The following IRAG1 variants were observed in gnomAD, a reference collection of about 807,000 sequenced individuals.
The protein encoded by IRAG1 is inositol 1,4,5-triphosphate receptor associated 1.
A neutral mutation model predicts 106.2 loss-of-function variants in IRAG1; 62 were observed. The observed-to-expected ratio is 0.58, with a 90% CI of 0.48 to 0.72. The LOEUF (loss-of-function observed/expected upper bound fraction) is 0.72, where lower values mean the gene tolerates loss of function less well. Among genes scored for constraint, IRAG1 ranks in the 30% least tolerant of loss-of-function variants. The pLI, the probability that IRAG1 is intolerant of heterozygous loss-of-function variation, is 0.00. For missense variants in IRAG1, 1,064 were observed against 1,140.7 expected, an observed-to-expected ratio of 0.93 and a Z score of 0.97; for synonymous variants, 462 against 443.9, an observed-to-expected ratio of 1.04 and a Z score of -0.51.
At chr11:10,651,271 G>A (rs1041646613) in intron 2 of IRAG1, among the ~76,000 whole-genome samples, 1 of 152,188 alleles carries the variant, frequency 6.6e-6, no homozygotes, top group Non-Finnish European at 1.5e-5. Context: ...TTTGAATATC[G>A]AGGGACTGAA....
intron 17 of IRAG1, 175 bp downstream of exon 17, chr11:10,593,317 A>G: frequency 1.9e-6 from 1 of 524,738 alleles, no homozygotes; most frequent in Non-Finnish European, 3.4e-6. Context: ...GTAGTAGAAT[A>G]CATGCAGCCT....
intron 1 of IRAG1, among the ~76,000 whole-genome samples, chr11:10,682,003 C>T (rs1167058781): frequency 6.6e-6 from 1 of 152,190 alleles, no homozygotes; most frequent in Non-Finnish European, 1.5e-5. Context: ...ATGCACTTTG[C>T]ACCAAGGGCA....
chr11:10,643,231 AT>A (rs1240487427), intron 2 of IRAG1, among the ~76,000 whole-genome samples: 1 of 150,822 alleles, frequency 6.6e-6, no homozygotes, highest in Admixed American at 6.6e-5. Context: ...GAAAATGATT[AT>A]CCCAGCGGCA....
intron 10 of IRAG1, among the ~76,000 whole-genome samples, chr11:10,617,607 G>C (rs977314772): frequency 2.6e-5 from 4 of 152,176 alleles, no homozygotes; most frequent in African/African-American, 9.7e-5. Flanking sequence ...TGCAAAACCA[G>C]GTTTGTCTGT....
intron 18 of IRAG1, among the ~76,000 whole-genome samples, chr11:10,587,669 T>G (rs1852167226): frequency 6.6e-6 from 1 of 152,252 alleles, no homozygotes; most frequent in South Asian, 2.1e-4. Flanking sequence ...ACACTAACCC[T>G]GTGCATCATC....
intron 1 of IRAG1, among the ~76,000 whole-genome samples, chr11:10,670,751 T>A (rs972758297): frequency 6.6e-6 from 1 of 152,132 alleles, no homozygotes; most frequent in African/African-American, 2.4e-5. Context: ...GGTGTCCTTA[T>A]AAGAAGAGGA....
At chr11:10,603,716 T>C (rs1362373092) in intron 13 of IRAG1, among the ~76,000 whole-genome samples, 2 of 152,108 alleles carry the variant, frequency 1.3e-5, no homozygotes, top group Admixed American at 1.3e-4. Context: ...GATAGTGAAG[T>C]GGGGCCTGGG....
intron 2 of IRAG1, among the ~76,000 whole-genome samples, chr11:10,649,560 A>G (rs751826717): frequency 3.9e-5 from 6 of 152,138 alleles, no homozygotes; most frequent in Non-Finnish European, 5.9e-5. Context: ...GCTTGGTATG[A>G]CTGCACAGTT....
intron 10 of IRAG1, among the ~76,000 whole-genome samples, chr11:10,621,135 TA>T (rs1438667656): frequency 1.3e-5 from 2 of 152,240 alleles, no homozygotes; most frequent in Non-Finnish European, 2.9e-5. Context: ...TATGCTTTAG[TA>T]AATTTAAAAT....
rs749758312 is a variant in IRAG1, at chr11:10,576,288, G to A, written c.*44C>T. Reference sequence around the variant, plus strand: ...CGTTATACTTGGGGAAAGGGTGGTAGTCTGAGTGTCTCAGAGCAGGGCACT... The same window carrying A: ...CGTTATACTTGGGGAAAGGGTGGTAATCTGAGTGTCTCAGAGCAGGGCACT... On this transcript the variant is annotated 3_prime_UTR_variant, in exon 21 of 21. Coordinates refer to ENST00000423302, the MANE Select transcript of IRAG1 (RefSeq NM_130385.4). The A allele has an allele frequency of 3.1e-6, 5 of 1,607,890 alleles. No individual in the cohort carries two copies. The African/African-American group carries it at 4.0e-5, about 13-fold the overall frequency.
chr11:10,573,142 A>G lies in IRAG1; in HGVS notation c.*3190T>C, dbSNP rs183032928. 6 of 152,364 alleles carry G rather than the reference A, an allele frequency of 3.9e-5. No individual in the cohort carries two copies. Among genetic ancestry groups the G allele is most frequent in the Non-Finnish European group, 8.8e-5 (6 of 68,040 alleles). The allele number at this position is 152,364 out of a possible 1,614,324, so 9.4% of individuals were successfully genotyped here. A position where few individuals can be genotyped will look rare whatever the true frequency, so the allele number is the denominator to read the frequency against. ...CAAACTCAGGTATGTGACACTCTAC[A>G]GTTCAATGCTAGCACACCTGTGTGA... On this transcript the variant is annotated 3_prime_UTR_variant, in exon 21 of 21. Coordinates refer to ENST00000423302, the MANE Select transcript of IRAG1 (RefSeq NM_130385.4).
intron 10 of IRAG1, among the ~76,000 whole-genome samples, chr11:10,610,721 C>A (rs1248763353): frequency 6.6e-6 from 1 of 152,168 alleles, no homozygotes; most frequent in Non-Finnish European, 1.5e-5. Context: ...TGGTAAATGT[C>A]CCTGGCATTG....
chr11:10,579,867 G>T (rs1851218379), intron 20 of IRAG1, among the ~76,000 whole-genome samples: 1 of 152,194 alleles, frequency 6.6e-6, no homozygotes, highest in Non-Finnish European at 1.5e-5. Context: ...TTAGGGGAAA[G>T]TACCTTTGAA....
At position 10,680,819 on chromosome 11, in the gene IRAG1, T is replaced by C. The variant is rs542083898; in HGVS notation, c.67+12717A>G. 1.1e-4 allele frequency among the ~76,000 whole-genome samples: 16 copies of C among 152,246 alleles called. No individual in the cohort carries two copies. The South Asian group carries it at 2.9e-3, about 28-fold the overall frequency. ...TCTTAGAACAATGCCTTTTGTGACA[T>C]AGGGCTCACAAACATTCTAATAAGG... On this transcript the variant is annotated intron_variant, in intron 1 of 20. Transcript: ENST00000423302.
intron 1 of IRAG1, among the ~76,000 whole-genome samples, chr11:10,668,257 T>C (rs2135079949): frequency 6.6e-6 from 1 of 152,372 alleles, no homozygotes; most frequent in East Asian, 1.9e-4. Flanking sequence ...TCTAGCTCTA[T>C]GACTTTGGCT....
chr11:10,660,539 A>T (rs1859313388), intron 1 of IRAG1, among the ~76,000 whole-genome samples: 1 of 152,144 alleles, frequency 6.6e-6, no homozygotes. Flanking sequence ...CTGGCCGTGG[A>T]ACATTGCCAG....
chr11:10,618,590 G>A (rs921451254), intron 10 of IRAG1, among the ~76,000 whole-genome samples: 1 of 152,180 alleles, frequency 6.6e-6, no homozygotes, highest in Non-Finnish European at 1.5e-5. Context: ...GAAGGGATCC[G>A]AAGGTACCAG....
intron 1 of IRAG1, among the ~76,000 whole-genome samples, chr11:10,669,803 C>G (rs1335565142): frequency 6.6e-6 from 1 of 152,198 alleles, no homozygotes; most frequent in African/African-American, 2.4e-5. Flanking sequence ...TCCTGGTTAT[C>G]TGGGGGCAAA....
intron 17 of IRAG1, 63 bp from the exon 18 acceptor site, chr11:10,591,675 C>G: frequency 7.1e-7 from 1 of 1,415,570 alleles, no homozygotes; most frequent in Admixed American, 2.0e-5. Context: ...GCCAGAGCTG[C>G]TGGATTTCTG....
Sources: allele counts gnomAD v4.1 joint callset (sites outside exome capture counted in the v4.1 genomes callset), GRCh38; gene constraint gnomAD v4.1.1; transcripts MANE v1.5; gene names NCBI Gene and HGNC (gene_info 2026-07-23, HGNC 2026-07-21).